Variants in RYR1 observed in about 807,000 individuals in gnomAD.
RYR1 encodes central core disease of muscle.
In RYR1, 342 loss-of-function variants were observed where a neutral mutation model predicts 583.5. The ratio of observed to expected loss-of-function variants is 0.59; its 90% CI spans 0.54 to 0.64. The LOEUF is 0.64. Ranked by LOEUF, RYR1 falls within the 30% of genes least tolerant of loss-of-function variation. RYR1 has a pLI of 0.00. For missense variants in RYR1, 6,032 were observed against 6,917.2 expected (o/e 0.87, Z 4.54); for synonymous variants, 2,791 against 2,822.5 (o/e 0.99, Z 0.35).
Position 38,512,744 on chromosome 19 carries a change from G to A in RYR1, c.9472+261G>A, listed in dbSNP as rs1407004757. ...TTTGGGAGGCTGAGGCAGGAGGACCGCTTGAGCTCAGGAGTTCAAGACCAG... is the reference window on the plus strand; with the variant it reads ...TTTGGGAGGCTGAGGCAGGAGGACCACTTGAGCTCAGGAGTTCAAGACCAG... On this transcript the variant is annotated intron_variant, in intron 63 of 105. Transcript: ENST00000359596. The surrounding 1 kb of genome is among the most constrained non-coding windows in gnomAD (Gnocchi z 5.1). 1.3e-5 allele frequency among the ~76,000 whole-genome samples: 2 copies of A among 151,618 alleles called. No individual in the cohort carries two copies. The highest frequency in any genetic ancestry group is 2.0e-4 in the East Asian group (1 of 5,110).
chr19:38,502,768 C>CAGGGGCAGGGGCAGGGGCAGGGGT lies in RYR1; in HGVS notation c.7835+64_7835+65insTAGGGGCAGGGGCAGGGGCAGGGG, dbSNP rs1568506267. 3.2e-4 allele frequency: 191 copies of CAGGGGCAGGGGCAGGGGCAGGGGT among 605,388 alleles called. 1 individual carries two copies. In the African/African-American group the frequency reaches 7.0e-3, roughly 22 times the overall value. The allele number at this position is 605,388 out of a possible 1,614,324, so 37.5% of individuals were successfully genotyped here. A position where few individuals can be genotyped will look rare whatever the true frequency, so the allele number is the denominator to read the frequency against. On this transcript the variant is annotated intron_variant, in intron 48 of 105. Coordinates refer to ENST00000359596, the MANE Select transcript of RYR1 (RefSeq NM_000540.3). ...CTTCAGGGTGGGGCAGGGGCAGGGGCAGGGGCAGGGGCAGGGGCAGGGGCA... is the reference window on the plus strand; with the variant it reads ...CTTCAGGGTGGGGCAGGGGCAGGGGCAGGGGCAGGGGCAGGGGCAGGGGTAGGGGCAGGGGCAGGGGCAGGGGCA...
intron 33 of RYR1, among the ~76,000 whole-genome samples, chr19:38,484,804 C>T (rs1440432413): frequency 1.3e-5 from 2 of 151,972 alleles, no homozygotes; most frequent in East Asian, 3.9e-4. Context: ...CCCGTCTCCA[C>T]ATTTTTTTTT....
At chr19:38,468,443 A>C (rs1968242872) in intron 25 of RYR1, among the ~76,000 whole-genome samples, 1 of 152,134 alleles carries the variant, frequency 6.6e-6, no homozygotes, top group South Asian at 2.1e-4. Flanking sequence ...TCTGTCATCC[A>C]TTTATTTATG....
intron 63 of RYR1, among the ~76,000 whole-genome samples, chr19:38,513,859 C>T (rs987133406): frequency 6.6e-6 from 1 of 152,138 alleles, no homozygotes; most frequent in Non-Finnish European, 1.5e-5. Context: ...AGGGTAACCT[C>T]ATCCCTTAAT....
intron 67 of RYR1, among the ~76,000 whole-genome samples, chr19:38,522,078 G>A (rs1413142728): frequency 6.6e-6 from 1 of 152,094 alleles, no homozygotes; most frequent in East Asian, 1.9e-4. Context: ...AGGAGGAAGG[G>A]GGAGTGGCTG....
At chr19:38,507,984 C>G (rs1970556055) in intron 58 of RYR1, among the ~76,000 whole-genome samples, 157 bp downstream of exon 58, 1 of 152,242 alleles carries the variant, frequency 6.6e-6, no homozygotes, top group Non-Finnish European at 1.5e-5. Flanking sequence ...GTTCTAGATG[C>G]TGGGGTACAG....
intron 34 of RYR1, among the ~76,000 whole-genome samples, chr19:38,486,765 A>G (rs987852203): frequency 4.0e-5 from 6 of 151,880 alleles, no homozygotes; most frequent in African/African-American, 1.5e-4. Context: ...CATCTATCCA[A>G]CCAACCATCA....
chr19:38,478,105 T>TATTCC (rs1202036315), intron 30 of RYR1, among the ~76,000 whole-genome samples: 1 of 151,444 alleles, frequency 6.6e-6, no homozygotes, highest in Non-Finnish European at 1.5e-5. Flanking sequence ...GCATTTCTCC[T>TATTCC]ATTCCATTTT....
At chr19:38,582,974 G>A (rs921490501) in intron 101 of RYR1, among the ~76,000 whole-genome samples, 1 of 152,088 alleles carries the variant, frequency 6.6e-6, no homozygotes, top group African/African-American at 2.4e-5. Context: ...TAGGATGACT[G>A]TGTTCTCTCA....
In RYR1 at chr19:38,496,841, C is replaced by G; in HGVS notation, c.6797-19C>G. 1 of 1,603,630 alleles carries G rather than the reference C, an allele frequency of 6.2e-7. No homozygotes were observed. Among genetic ancestry groups the G allele is most frequent in the Non-Finnish European group, 8.5e-7 (1 of 1,171,186 alleles). On this transcript the variant is annotated intron_variant, in intron 41 of 105. Coordinates refer to ENST00000359596, the MANE Select transcript of RYR1 (RefSeq NM_000540.3). The surrounding 1 kb of genome is among the most constrained non-coding windows in gnomAD (Gnocchi z 4.8). ...GACAAGCAGGAGTGAGATGTTCTCC[C>G]CACCTCTCGCCCCTGCAGGCATGCA... is the stretch of plus-strand genomic sequence containing the variant.
rs768101817 is a variant in RYR1, at chr19:38,512,023, C to T, written c.9173-49C>T. The T allele has an allele frequency of 2.5e-6, 4 of 1,593,340 alleles. No individual in the cohort carries two copies. In the South Asian group the frequency reaches 3.4e-5, roughly 13 times the overall value. On this transcript the variant is annotated intron_variant, in intron 61 of 105. Transcript: ENST00000359596. The surrounding 1 kb of genome is among the most constrained non-coding windows in gnomAD (Gnocchi z 5.1). ...GGTGGATGTAGAGGGAGGCACTGTC[C>T]TCTGTCCTCTTAGCCATGGCATCCC...
chr19:38,575,396 A>C (rs185713567), intron 96 of RYR1, among the ~76,000 whole-genome samples: 159 of 152,272 alleles, frequency 1.0e-3, no homozygotes, highest in African/African-American at 3.7e-3. Context: ...CAGGTGGCTC[A>C]CGCCTGTAAT....
At chr19:38,558,502 A>G (rs1317980611) in intron 89 of RYR1, among the ~76,000 whole-genome samples, 1 of 152,034 alleles carries the variant, frequency 6.6e-6, no homozygotes, top group Non-Finnish European at 1.5e-5. Flanking sequence ...TGAAAAATAA[A>G]AAGGCCTGGC....
chr19:38,565,644 C>CG lies in RYR1; in HGVS notation c.13312dup (p.Val4438GlyfsTer145). On this transcript the variant is annotated frameshift_variant, in exon 91 of 106. Coordinates refer to ENST00000359596, the MANE Select transcript of RYR1 (RefSeq NM_000540.3). LOFTEE classifies it high-confidence loss of function. This position sits in a 1 kb window ranked among gnomAD's most constrained non-coding sequence, Gnocchi z 4.7. ...GCCGGGCCGGGCGGTGCCGACGGGG[C>CG]GGTGGCCGTGACCGATGGGGGCCCC... is the stretch of plus-strand genomic sequence containing the variant. 1 of 1,388,720 alleles carries CG rather than the reference C, an allele frequency of 7.2e-7. No homozygotes were observed. Among genetic ancestry groups the CG allele is most frequent in the East Asian group, 3.0e-5 (1 of 33,314 alleles). The allele number at this position is 1,388,720 out of a possible 1,614,324, so 86.0% of individuals were successfully genotyped here.
At chr19:38,451,197 G>A (rs1285987831) in intron 11 of RYR1, among the ~76,000 whole-genome samples, 2 of 152,244 alleles carry the variant, frequency 1.3e-5, no homozygotes, top group African/African-American at 4.8e-5. Context: ...TGAGCCAAGG[G>A]CGTAGAGACG....
intron 101 of RYR1, among the ~76,000 whole-genome samples, chr19:38,580,899 ATTTT>A (rs74176451): frequency 1.5e-5 from 2 of 132,800 alleles, no homozygotes; most frequent in Non-Finnish European, 3.2e-5. Flanking sequence ...TGCCAGGCAC[ATTTT>A]TTTTTTTTTT....
At chr19:38,537,103 C>T (rs550133547) in intron 83 of RYR1, 19 of 449,916 alleles carry the variant, frequency 4.2e-5, no homozygotes, top group African/African-American at 7.9e-5. Context: ...TTCGCAGTCC[C>T]GGTGTGGAGT....
At chr19:38,548,204 C>T (rs551710800) in intron 88 of RYR1, 29 bp from the exon 89 acceptor site, 47 of 1,613,248 alleles carry the variant, frequency 2.9e-5, no homozygotes, top group African/African-American at 8.0e-5. Context: ...GAGTGTTCAC[C>T]GGCCACACTG....
intron 27 of RYR1, 138 bp downstream of exon 27, chr19:38,469,651 ACGGGCTGTATGACTC>A: frequency 1.1e-6 from 1 of 936,868 alleles, no homozygotes; most frequent in East Asian, 2.6e-5. Context: ...TGATGGGCTC[ACGGGCTGTATGACTC>A]CGGGTGTAAC....
Sources: allele counts gnomAD v4.1 joint callset (sites outside exome capture counted in the v4.1 genomes callset), GRCh38; gene constraint gnomAD v4.1.1; non-coding constraint Gnocchi (gnomAD v3.1); transcripts MANE v1.5; gene names NCBI Gene and HGNC (gene_info 2026-07-23, HGNC 2026-07-21).